The following GSK3B variants were observed in gnomAD, a reference collection of about 807,000 sequenced individuals.
The protein encoded by GSK3B is glycogen synthase kinase 3 beta.
A neutral mutation model predicts 56.4 loss-of-function variants in GSK3B; 15 were observed. The observed-to-expected ratio is 0.27, with a 90% CI of 0.18 to 0.41. The LOEUF (loss-of-function observed/expected upper bound fraction) is 0.41. Among genes scored for constraint, GSK3B ranks in the 10% least tolerant of loss-of-function variants. The pLI is 1.00. For missense variants in GSK3B, 300 were observed against 513.4 expected (o/e 0.58, Z 4.02); for synonymous variants, 181 against 188.9 (o/e 0.96, Z 0.34).
At chr3:119,862,667 GTTTTTTTT>G (rs79778347) in intron 9 of GSK3B, among the ~76,000 whole-genome samples, 5 of 110,390 alleles carry the variant, frequency 4.5e-5, no homozygotes, top group Non-Finnish European at 7.4e-5. Context: ...ACTATTTCTT[GTTTTTTTT>G]TTTTTTTTTT....
chr3:119,893,350 A>G (rs1462976862), intron 7 of GSK3B, among the ~76,000 whole-genome samples: 1 of 152,126 alleles, frequency 6.6e-6, no homozygotes, highest in African/African-American at 2.4e-5. Flanking sequence ...AATAAGCTCA[A>G]TAATGCAGAT....
intron 9 of GSK3B, among the ~76,000 whole-genome samples, chr3:119,848,095 G>A (rs1367412710): frequency 1.3e-5 from 2 of 152,194 alleles, no homozygotes; most frequent in African/African-American, 4.8e-5. Context: ...TTATCTGCAT[G>A]GGGGAAGCTG....
intron 1 of GSK3B, among the ~76,000 whole-genome samples, chr3:120,068,392 A>G (rs2058298234): frequency 1.5e-5 from 2 of 132,172 alleles, no homozygotes; most frequent in African/African-American, 5.7e-5. Context: ...CTCCGTCTCA[A>G]AAAAAAAAAA....
chr3:119,829,922 G>A (rs895440435), intron 10 of GSK3B, among the ~76,000 whole-genome samples: 1 of 151,998 alleles, frequency 6.6e-6, no homozygotes, highest in Non-Finnish European at 1.5e-5. Context: ...CTTTGATATC[G>A]AAAGTCACAG....
intron 7 of GSK3B, among the ~76,000 whole-genome samples, chr3:119,901,092 C>G (rs536126174): frequency 2.0e-5 from 3 of 152,064 alleles, no homozygotes; most frequent in African/African-American, 7.2e-5. Flanking sequence ...GCAGAGGTGC[C>G]AAAGGACAAT....
intron 1 of GSK3B, among the ~76,000 whole-genome samples, chr3:120,053,301 C>T (rs181046846): frequency 3.9e-5 from 6 of 152,278 alleles, no homozygotes; most frequent in African/African-American, 1.4e-4. Context: ...CGCGCCACTA[C>T]ACTCCAGCCT....
chr3:120,038,175 A>C (rs1254676585), intron 1 of GSK3B, among the ~76,000 whole-genome samples: 1 of 152,184 alleles, frequency 6.6e-6, no homozygotes, highest in Non-Finnish European at 1.5e-5. Context: ...ACTTCCTCCT[A>C]AGCTATTTTT....
intron 1 of GSK3B, among the ~76,000 whole-genome samples, chr3:120,002,866 C>T (rs1216882793): frequency 2.6e-5 from 4 of 152,120 alleles, no homozygotes; most frequent in Admixed American, 2.0e-4. Flanking sequence ...AAAAGGTGAA[C>T]CCATAAGAGT....
chr3:119,958,682 T>C (rs180776898), intron 2 of GSK3B, among the ~76,000 whole-genome samples: 10 of 151,518 alleles, frequency 6.6e-5, no homozygotes, highest in Admixed American at 4.6e-4. Flanking sequence ...TGTCTCTCCC[T>C]CGACCCTGGA....
chr3:120,011,983 T>C (rs1479137117), intron 1 of GSK3B, among the ~76,000 whole-genome samples: 1 of 151,998 alleles, frequency 6.6e-6, no homozygotes, highest in African/African-American at 2.4e-5. Context: ...CATTTCCCCT[T>C]AAAAAAAGAA....
At chr3:119,954,343 T>C (rs1255820069) in intron 2 of GSK3B, among the ~76,000 whole-genome samples, 3 of 151,788 alleles carry the variant, frequency 2.0e-5, no homozygotes, top group Middle Eastern at 3.4e-3. Flanking sequence ...TAGCATAAAA[T>C]AGAATGGAGG....
At chr3:119,965,131 C>T (rs551887120) in intron 2 of GSK3B, among the ~76,000 whole-genome samples, 6 of 149,204 alleles carry the variant, frequency 4.0e-5, no homozygotes, top group African/African-American at 1.2e-4. Flanking sequence ...CAGCTCACTG[C>T]AACCTCCACC....
chr3:120,061,375 G>C (rs2058235372), intron 1 of GSK3B, among the ~76,000 whole-genome samples: 1 of 152,138 alleles, frequency 6.6e-6, no homozygotes, highest in South Asian at 2.1e-4. Flanking sequence ...AAATTCTCTA[G>C]ATTTTGTTGC....
intron 1 of GSK3B, among the ~76,000 whole-genome samples, chr3:120,071,008 C>A (rs1472934192): frequency 6.6e-6 from 1 of 152,200 alleles, no homozygotes; most frequent in East Asian, 1.9e-4. Context: ...TTTGTTTCCT[C>A]CCCTTCTCAA....
At position 119,947,289 on chromosome 3, in the gene GSK3B, G is replaced by A; in HGVS notation, c.345C>T (p.Phe115=). The A allele has an allele frequency of 6.3e-7, 1 of 1,596,658 alleles. No individual in the cohort carries two copies. Among genetic ancestry groups the A allele is most frequent in the Non-Finnish European group, 8.6e-7 (1 of 1,164,272 alleles). ...CTACCTTCTCACCACTGGAGTAGAAGAAATAACGCAATCGGACTATGTTAC... is the reference window on the plus strand; with the variant it reads ...CTACCTTCTCACCACTGGAGTAGAAAAAATAACGCAATCGGACTATGTTAC... The part of the protein sequence containing the change: ...DHCNIVRLRY[F]FYSSGEKKDE... The change falls in exon 3 of 11, where the codon TTC becomes TTT. Residue 115 remains phenylalanine, a synonymous_variant. Transcript: ENST00000264235.
intron 1 of GSK3B, among the ~76,000 whole-genome samples, chr3:120,012,645 A>AATC (rs2057789229): frequency 6.6e-6 from 1 of 152,200 alleles, no homozygotes. Flanking sequence ...ACAACAGAAC[A>AATC]ATCACTTTCT....
intron 8 of GSK3B, among the ~76,000 whole-genome samples, chr3:119,864,796 A>G (rs1392792947): frequency 2.0e-5 from 3 of 152,264 alleles, no homozygotes; most frequent in African/African-American, 7.2e-5. Flanking sequence ...TGCTGTCTAC[A>G]GTGAAAAGAG....
chr3:120,026,728 T>C (rs1233989967), intron 1 of GSK3B, among the ~76,000 whole-genome samples: 1 of 151,442 alleles, frequency 6.6e-6, no homozygotes, highest in Non-Finnish European at 1.5e-5. Context: ...TGGCTAATTT[T>C]TGTATTTTTA....
rs555023918 is a variant in GSK3B, at chr3:119,934,583, T to C, written c.367-11100A>G. Reference sequence around the variant, plus strand: ...TATACTTTGTAAATGTAATGTGGTATCTCAAATGGGATCATAAACAAAAGA... The same window carrying C: ...TATACTTTGTAAATGTAATGTGGTACCTCAAATGGGATCATAAACAAAAGA... On this transcript the variant is annotated intron_variant, in intron 3 of 10. Transcript: ENST00000264235. 1.9e-4 allele frequency among the ~76,000 whole-genome samples: 29 copies of C among 152,330 alleles called. No homozygotes were observed. The East Asian group carries it at 5.4e-3, about 28-fold the overall frequency.
Sources: gnomAD v4.1 joint callset for allele counts (sites outside exome capture counted in the v4.1 genomes callset) on GRCh38, gnomAD v4.1.1 for gene constraint, MANE v1.5 for transcripts, NCBI Gene and HGNC (gene_info 2026-07-23, HGNC 2026-07-21) for gene names.